Variants in ZFHX3 observed in about 807,000 individuals in gnomAD.
ZFHX3 encodes the protein zinc finger homeobox protein 3.
A neutral mutation model predicts 279.1 loss-of-function variants in ZFHX3; 42 were observed. The ratio of observed to expected loss-of-function variants is 0.15; its 90% CI spans 0.12 to 0.19. The LOEUF (loss-of-function observed/expected upper bound fraction) is 0.19. ZFHX3 is among the 10% of genes least tolerant of loss of function. ZFHX3 has a pLI of 1.00. For missense variants in ZFHX3, 4,981 were observed against 4,754.0 expected, an observed-to-expected ratio of 1.05 and a Z score of -1.40; for synonymous variants, 2,293 against 1,957.8, an observed-to-expected ratio of 1.17 and a Z score of -4.52.
chr16:73,632,840 G>T (rs570561197), intron 2 of ZFHX3, among the ~76,000 whole-genome samples: 124 of 152,328 alleles, frequency 8.1e-4, no homozygotes, highest in African/African-American at 2.6e-3. Context: ...ACTTTGGGAG[G>T]CCGAGGCAGG....
intron 3 of ZFHX3, among the ~76,000 whole-genome samples, chr16:73,374,211 T>G (rs1342171509): frequency 6.6e-6 from 1 of 152,228 alleles, no homozygotes; most frequent in Non-Finnish European, 1.5e-5. Context: ...TTTGGAATTT[T>G]TAAACATATA....
intron 6 of ZFHX3, among the ~76,000 whole-genome samples, chr16:73,140,450 C>T (rs993339947): frequency 3.3e-5 from 5 of 152,168 alleles, no homozygotes; most frequent in African/African-American, 7.2e-5. Flanking sequence ...TCTGCTGAGA[C>T]AGTGCTCTCA....
Position 72,921,446 on chromosome 16 carries a change from C to T in ZFHX3, c.3216+29023G>A, listed in dbSNP as rs185180298. On this transcript the variant is annotated intron_variant, in intron 3 of 9. Coordinates refer to ENST00000268489, the MANE Select transcript of ZFHX3 (RefSeq NM_006885.4). ...TACATAGGGCTAAGTGGGAAGACGG[C>T]GCAATGCAAAAGGGCAGAGGACTGA... Among the ~76,000 whole-genome samples, 4 of 152,286 alleles carry T rather than the reference C, an allele frequency of 2.6e-5. No homozygotes were observed. The East Asian group carries it at 7.7e-4, about 29-fold the overall frequency.
In ZFHX3 at chr16:72,950,456, A is replaced by T; in HGVS notation, c.3216+13T>A. ...CAGAAAGAGCGCCTGAGCCATAAGGAGCTGGGCCTTACCTTGTACAACTTC... is the reference window on the plus strand; with the variant it reads ...CAGAAAGAGCGCCTGAGCCATAAGGTGCTGGGCCTTACCTTGTACAACTTC... On this transcript the variant is annotated intron_variant, in intron 3 of 9. Transcript: ENST00000268489. 6.2e-7 allele frequency: 1 copy of T among 1,610,262 alleles called. No homozygotes were observed. Among genetic ancestry groups the T allele is most frequent in the Non-Finnish European group, 8.5e-7 (1 of 1,176,944 alleles).
intron 1 of ZFHX3, among the ~76,000 whole-genome samples, chr16:73,783,845 G>C (rs1959551677): frequency 6.6e-6 from 1 of 152,150 alleles, no homozygotes; most frequent in Non-Finnish European, 1.5e-5. Context: ...GTAAGAAGTA[G>C]GAAATTACAT....
chr16:73,627,881 G>T (rs769608178), intron 2 of ZFHX3, among the ~76,000 whole-genome samples: 1 of 152,196 alleles, frequency 6.6e-6, no homozygotes, highest in South Asian at 2.1e-4. Flanking sequence ...CTGTGCCACT[G>T]CACTCCAGCC....
intron 1 of ZFHX3, among the ~76,000 whole-genome samples, chr16:73,686,305 A>C (rs1218232463): frequency 6.6e-6 from 1 of 152,134 alleles, no homozygotes; most frequent in Non-Finnish European, 1.5e-5. Flanking sequence ...CATATTGTTC[A>C]GGCTGGTCTT....
chr16:73,165,077 C>A (rs975968481), intron 5 of ZFHX3, among the ~76,000 whole-genome samples: 1 of 152,192 alleles, frequency 6.6e-6, no homozygotes, highest in Non-Finnish European at 1.5e-5. Flanking sequence ...GCACAGGAAA[C>A]GTCCATGCTC....
exon 8 of ZFHX3, chr16:73,093,581 G>C: frequency 2.0e-6 from 1 of 512,476 alleles, no homozygotes; most frequent in Non-Finnish European, 3.9e-6. Flanking sequence ...TCTTCATCTT[G>C]GGCTAACCGG....
chr16:72,989,264 C>A (rs1962975808), intron 1 of ZFHX3, among the ~76,000 whole-genome samples: 1 of 151,968 alleles, frequency 6.6e-6, no homozygotes, highest in Non-Finnish European at 1.5e-5. Context: ...GCGGGTGGAT[C>A]ACCTGAGGTC....
intron 1 of ZFHX3, among the ~76,000 whole-genome samples, chr16:73,726,084 A>G (rs978069577): frequency 6.6e-6 from 1 of 152,222 alleles, no homozygotes; most frequent in African/African-American, 2.4e-5. Context: ...GGAGAGGAAT[A>G]CAAATAGACT....
intron 1 of ZFHX3, among the ~76,000 whole-genome samples, chr16:73,884,693 A>G (rs1386292261): frequency 6.6e-6 from 1 of 152,154 alleles, no homozygotes; most frequent in Non-Finnish European, 1.5e-5. Flanking sequence ...CCTTTATTTA[A>G]ACTGTAATAA....
chr16:73,140,433 A>G (rs535657161), intron 6 of ZFHX3, among the ~76,000 whole-genome samples: 4 of 152,314 alleles, frequency 2.6e-5, no homozygotes, highest in Non-Finnish European at 5.9e-5. Context: ...GACCTGATTC[A>G]TCCTGATCTG....
intron 1 of ZFHX3, among the ~76,000 whole-genome samples, chr16:73,787,196 C>T (rs1006156498): frequency 6.6e-6 from 1 of 152,152 alleles, no homozygotes; most frequent in African/African-American, 2.4e-5. Flanking sequence ...TTTGGCAAAG[C>T]ATTTCCATCC....
Position 73,589,259 on chromosome 16 carries a change from CAAAAAAAAAAAAAAAAA to C in ZFHX3, c.-1547+90904_-1547+90920del, listed in dbSNP as rs34481194. The stretch of plus-strand genomic sequence containing the variant: ...TGGGCGACAGAGCAAGATTCTGTCT[CAAAAAAAAAAAAAAAAA>C]AAAAAAAAAAAAAGCCAGGTGTGGT... On this transcript the variant is annotated intron_variant, in intron 2 of 17. Transcript: ENST00000641206. Among the ~76,000 whole-genome samples, 5 of 30,934 alleles carry C rather than the reference CAAAAAAAAAAAAAAAAA, an allele frequency of 1.6e-4. 1 individual carries two copies. The highest frequency in any genetic ancestry group is 2.6e-3 in the South Asian group (1 of 382). The allele number at this position is 30,934 out of a possible 152,430, so 20.3% of individuals were successfully genotyped here.
intron 3 of ZFHX3, among the ~76,000 whole-genome samples, chr16:72,914,731 C>T (rs2039399466): frequency 6.6e-6 from 1 of 152,138 alleles, no homozygotes; most frequent in Admixed American, 6.6e-5. Context: ...GTGGCTCATG[C>T]CTATAATCCC....
intron 3 of ZFHX3, among the ~76,000 whole-genome samples, chr16:73,408,757 G>A (rs1461547176): frequency 1.3e-5 from 2 of 152,036 alleles, no homozygotes; most frequent in Non-Finnish European, 2.9e-5. Context: ...GTGTGCCAGG[G>A]TCTGAGCCCT....
chr16:73,538,450 C>A (rs1307896234), intron 2 of ZFHX3, among the ~76,000 whole-genome samples: 1 of 152,064 alleles, frequency 6.6e-6, no homozygotes, highest in African/African-American at 2.4e-5. Context: ...TCATTAATTG[C>A]ATTTTAGAAA....
chr16:73,065,566 G>GGTGTGTGT (rs10540025), intron 8 of ZFHX3, among the ~76,000 whole-genome samples: 17 of 144,590 alleles, frequency 1.2e-4, no homozygotes, highest in Non-Finnish European at 2.1e-4. Context: ...AGCTTTTCCT[G>GGTGTGTGT]GTGTGTGTGT....
Sources: gnomAD v4.1 joint callset for allele counts (sites outside exome capture counted in the v4.1 genomes callset) on GRCh38, gnomAD v4.1.1 for gene constraint, MANE v1.5 for transcripts, NCBI Gene and HGNC (gene_info 2026-07-23, HGNC 2026-07-21) for gene names.